Variants in PDZRN4 observed in about 807,000 individuals in gnomAD.
PDZRN4 encodes the protein PDZ domain containing ring finger 4.
In PDZRN4, 70 loss-of-function variants were observed where a neutral mutation model predicts 99.0. The ratio of observed to expected loss-of-function variants is 0.71; its 90% CI spans 0.58 to 0.86. PDZRN4 has a LOEUF of 0.86. Among genes scored for constraint, PDZRN4 ranks in the 40% least tolerant of loss-of-function variants. PDZRN4 has a pLI of 0.00. For synonymous variants in PDZRN4, 551 were observed against 501.6 expected (o/e 1.10, Z -1.32); for missense variants, 1,474 against 1,331.2 (o/e 1.11, Z -1.67).
intron 3 of PDZRN4, among the ~76,000 whole-genome samples, chr12:41,368,760 C>T (rs944626650): frequency 2.0e-5 from 3 of 152,068 alleles, no homozygotes. Context: ...TGTATCGCTT[C>T]CATTAAGGTG....
chr12:41,512,808 A>G (rs1055046778), intron 5 of PDZRN4, among the ~76,000 whole-genome samples: 1 of 152,042 alleles, frequency 6.6e-6, no homozygotes, highest in South Asian at 2.1e-4. Context: ...CCCAGCCTGG[A>G]GGGCTGTGCC....
intron 3 of PDZRN4, among the ~76,000 whole-genome samples, chr12:41,271,247 C>T (rs1353359392): frequency 3.0e-4 from 46 of 151,954 alleles, no homozygotes; most frequent in Admixed American, 3.0e-3. Flanking sequence ...AGACAGGATA[C>T]ATTAAATATC....
intron 3 of PDZRN4, among the ~76,000 whole-genome samples, chr12:41,306,448 GA>G (rs1951570035): frequency 6.6e-6 from 1 of 152,124 alleles, no homozygotes; most frequent in Non-Finnish European, 1.5e-5. Flanking sequence ...AAAGAAGTCT[GA>G]CAGCCATCCT....
At chr12:41,477,639 A>G (rs1395578530) in intron 3 of PDZRN4, among the ~76,000 whole-genome samples, 4 of 151,672 alleles carry the variant, frequency 2.6e-5, no homozygotes, top group Non-Finnish European at 5.9e-5. Flanking sequence ...CCACAAAAAC[A>G]TAAGCCTTTT....
At chr12:41,241,545 A>G (rs1006728049) in intron 3 of PDZRN4, among the ~76,000 whole-genome samples, 9 of 151,522 alleles carry the variant, frequency 5.9e-5, no homozygotes, top group Admixed American at 3.3e-4. Flanking sequence ...ATCTCCTCTG[A>G]ATCTCAGTTC....
intron 3 of PDZRN4, among the ~76,000 whole-genome samples, chr12:41,202,191 C>T (rs1428172815): frequency 4.6e-5 from 7 of 152,044 alleles, no homozygotes; most frequent in Admixed American, 3.9e-4. Flanking sequence ...GGGATGGCAC[C>T]GGAGCCTCTT....
chr12:41,404,939 C>T (rs1952333953), intron 3 of PDZRN4, among the ~76,000 whole-genome samples: 1 of 152,110 alleles, frequency 6.6e-6, no homozygotes, highest in African/African-American at 2.4e-5. Context: ...AAGGATGAAA[C>T]TGTACCCTTA....
chr12:41,222,001 T>C lies in PDZRN4; in HGVS notation c.843+27813T>C, dbSNP rs1950959018. 2.0e-5 allele frequency among the ~76,000 whole-genome samples: 3 copies of C among 152,284 alleles called. No homozygotes were observed. In the South Asian group the frequency reaches 6.2e-4, roughly 32 times the overall value. On this transcript the variant is annotated intron_variant, in intron 3 of 9. Coordinates refer to ENST00000402685, the MANE Select transcript of PDZRN4 (RefSeq NM_001164595.2). Reference sequence around the variant, plus strand: ...AAAGAACAAAGTTTGTCTTCTAAGATATAATGTGGTAAAAGAAACAGAAGC... The same window carrying C: ...AAAGAACAAAGTTTGTCTTCTAAGACATAATGTGGTAAAAGAAACAGAAGC...
intron 3 of PDZRN4, among the ~76,000 whole-genome samples, chr12:41,503,258 A>C (rs1223456293): frequency 6.6e-6 from 1 of 152,314 alleles, no homozygotes; most frequent in East Asian, 1.9e-4. Context: ...GGTCAGCTGC[A>C]TGATAACTGG....
chr12:41,207,299 G>A (rs1462837727), intron 3 of PDZRN4, among the ~76,000 whole-genome samples: 3 of 151,724 alleles, frequency 2.0e-5, no homozygotes, highest in Non-Finnish European at 2.9e-5. Context: ...TTAACCCTAA[G>A]ATAAAGTTAG....
chr12:41,560,443 A>G (rs574717268), intron 7 of PDZRN4, among the ~76,000 whole-genome samples: 1 of 152,200 alleles, frequency 6.6e-6, no homozygotes, highest in African/African-American at 2.4e-5. Context: ...TAAGTACCAC[A>G]GATCTCTTCT....
chr12:41,193,424 A>G (rs1382024497), intron 2 of PDZRN4, among the ~76,000 whole-genome samples: 1 of 152,206 alleles, frequency 6.6e-6, no homozygotes, highest in African/African-American at 2.4e-5. Flanking sequence ...ACTGGCTAAA[A>G]TGTCCTATTT....
chr12:41,255,475 G>A (rs967034984), intron 3 of PDZRN4, among the ~76,000 whole-genome samples: 1 of 151,944 alleles, frequency 6.6e-6, no homozygotes, highest in African/African-American at 2.4e-5. Flanking sequence ...GGAATAATTG[G>A]AGAGTTTTAA....
At chr12:41,547,550 T>A (rs918530659) in intron 5 of PDZRN4, among the ~76,000 whole-genome samples, 1 of 152,064 alleles carries the variant, frequency 6.6e-6, no homozygotes, top group Non-Finnish European at 1.5e-5. Flanking sequence ...CGCTTGAACC[T>A]GGGAGTGGAG....
rs193066991 is a variant in PDZRN4 at position 41,229,599 on chromosome 12, G to A, written c.843+35411G>A. Among the ~76,000 whole-genome samples, 17 of 152,138 alleles carry A rather than the reference G, an allele frequency of 1.1e-4. No individual in the cohort carries two copies. The East Asian group carries it at 3.1e-3, about 28-fold the overall frequency. ...AAGCATAGGAATAGTTGCAGTTCTG[G>A]TATCTGCTTTCCTTGAGTTTCACAT... is the stretch of plus-strand genomic sequence containing the variant. On this transcript the variant is annotated intron_variant, in intron 3 of 9. Transcript: ENST00000402685.
At position 41,188,710 on chromosome 12, in the gene PDZRN4, C is replaced by T. The variant is rs1302212488; in HGVS notation, c.255C>T (p.Ala85=). The change falls in exon 1 of 10, where the codon GCC becomes GCT. Residue 85 remains alanine (A), a synonymous_variant. Coordinates refer to ENST00000402685, the MANE Select transcript of PDZRN4 (RefSeq NM_001164595.2). The part of the protein sequence containing the change: ...QKLRVQCDYR[A]RGCGHSVRLH... ...TGCGAGTCCAGTGCGACTACCGCGC[C>T]CGCGGCTGCGGCCACTCGGTCAGGC... 1.3e-6 allele frequency: 2 copies of T among 1,557,572 alleles called. No homozygotes were observed. Among genetic ancestry groups the T allele is most frequent in the African/African-American group, 1.4e-5 (1 of 71,932 alleles).
At chr12:41,332,207 G>T (rs12230294) in intron 3 of PDZRN4, among the ~76,000 whole-genome samples, 14 of 152,088 alleles carry the variant, frequency 9.2e-5, no homozygotes, top group African/African-American at 3.1e-4. Flanking sequence ...AGATGGTTAC[G>T]TTCACCTGGA....
intron 3 of PDZRN4, among the ~76,000 whole-genome samples, chr12:41,212,871 G>T (rs1950897035): frequency 6.6e-6 from 1 of 152,016 alleles, no homozygotes; most frequent in Admixed American, 6.6e-5. Context: ...AGACAGATGA[G>T]TATGTGCGGA....
At chr12:41,377,072 A>G (rs1297651012) in intron 3 of PDZRN4, among the ~76,000 whole-genome samples, 1 of 152,038 alleles carries the variant, frequency 6.6e-6, no homozygotes, top group Non-Finnish European at 1.5e-5. Context: ...TCTTCTTTCT[A>G]TTCCATTGGT....
Sources: allele counts gnomAD v4.1 joint callset (sites outside exome capture counted in the v4.1 genomes callset), GRCh38; gene constraint gnomAD v4.1.1; transcripts MANE v1.5; gene names NCBI Gene and HGNC (gene_info 2026-07-23, HGNC 2026-07-21).